Variants in CREM observed in about 807,000 individuals in gnomAD.
CREM encodes cAMP responsive element modulator, also known as cAMP-responsive element modulator.
A neutral mutation model predicts 37.3 loss-of-function variants in CREM; 13 were observed. That is an observed-to-expected ratio of 0.35 (90% CI 0.23 to 0.55). The LOEUF is 0.55. Among genes scored for constraint, CREM ranks in the 20% least tolerant of loss-of-function variants. The pLI is 0.88. For synonymous variants in CREM, 124 were observed against 120.2 expected (o/e 1.03, Z -0.21); for missense variants, 296 against 362.3 (o/e 0.82, Z 1.49).
intron 5 of CREM, among the ~76,000 whole-genome samples, chr10:35,184,993 T>A (rs906132867): frequency 3.3e-5 from 5 of 152,072 alleles, no homozygotes; most frequent in African/African-American, 1.2e-4. Context: ...ACAGGGGGCT[T>A]AAGTTTTTTA....
At chr10:35,209,404 A>C (rs1012843591) in intron 7 of CREM, 31 of 974,358 alleles carry the variant, frequency 3.2e-5, no homozygotes, top group Non-Finnish European at 3.7e-5. Flanking sequence ...CTCACTATTA[A>C]TAGAAGAAAC....
rs1204358967 is a variant in CREM, at chr10:35,179,264, A to G, written c.397A>G (p.Thr133Ala). ...ACCAACTAGCATATATCAGACTAGC[A>G]CGGGGCAATACAGTATGTATGCTGC... ...AVPTSIYQTS[T>A]GQYIAIAQGG... Residue 133 changes from threonine to alanine, a missense_variant, in exon 5 of 8, where the codon ACG (threonine) becomes GCG (alanine). Physicochemically the swap from Thr to Ala is moderately conservative, Grantham distance 58 (BLOSUM62 0). Transcript: ENST00000685392. 1 of 1,614,116 alleles carries G rather than the reference A, an allele frequency of 6.2e-7. No individual in the cohort carries two copies. The highest frequency in any genetic ancestry group is 1.1e-5 in the South Asian group (1 of 91,068).
chr10:35,148,534 A>G, intron 3 of CREM, 43 bp downstream of exon 3: 1 of 1,582,362 alleles, frequency 6.3e-7, no homozygotes, highest in Non-Finnish European at 8.6e-7. Context: ...AATATATGGA[A>G]ATGAGAATTA....
At chr10:35,159,553 T>C (rs573439718) in intron 3 of CREM, among the ~76,000 whole-genome samples, 1 of 152,296 alleles carries the variant, frequency 6.6e-6, no homozygotes, top group South Asian at 2.1e-4. Context: ...GGCCCTTGTC[T>C]CTCACCATAA....
At chr10:35,160,865 G>A (rs1260482880) in intron 3 of CREM, among the ~76,000 whole-genome samples, 1 of 152,164 alleles carries the variant, frequency 6.6e-6, no homozygotes, top group Non-Finnish European at 1.5e-5. Context: ...GGCCTGTATA[G>A]TGTCAGGATC....
intron 3 of CREM, among the ~76,000 whole-genome samples, chr10:35,152,877 TG>T (rs577687185): frequency 9.6e-4 from 147 of 152,356 alleles, no homozygotes; most frequent in African/African-American, 3.4e-3. Flanking sequence ...CTTCTTTTGT[TG>T]TGAAAGACTT....
chr10:35,193,774 T>C (rs750032921), intron 6 of CREM, among the ~76,000 whole-genome samples: 20 of 152,074 alleles, frequency 1.3e-4, no homozygotes, highest in Non-Finnish European at 2.2e-4. Context: ...TGTCCTTTCA[T>C]TGACATAAGG....
chr10:35,205,835 G>A (rs951301745), intron 6 of CREM, among the ~76,000 whole-genome samples: 2 of 152,170 alleles, frequency 1.3e-5, no homozygotes, highest in African/African-American at 4.8e-5. Context: ...GTGCACGCCT[G>A]TAATCCCAGC....
Position 35,211,794 on chromosome 10 carries a change from A to G in CREM, c.*396A>G. 2 of 1,604,734 alleles carry G rather than the reference A, an allele frequency of 1.2e-6. No individual in the cohort carries two copies. The highest frequency in any genetic ancestry group is 1.7e-6 in the Non-Finnish European group (2 of 1,176,984). Reference sequence around the variant, plus strand: ...TGAAAGACATTTGTTCTCCCAAAACAGATTACTAGAAATATTTAACTATGA... The same window carrying G: ...TGAAAGACATTTGTTCTCCCAAAACGGATTACTAGAAATATTTAACTATGA... On this transcript the variant is annotated 3_prime_UTR_variant, in exon 8 of 8. Transcript: ENST00000685392.
intron 5 of CREM, among the ~76,000 whole-genome samples, chr10:35,184,922 T>TG (rs2093993818): frequency 1.3e-5 from 2 of 152,296 alleles, no homozygotes; most frequent in South Asian, 4.1e-4. Flanking sequence ...AATTTGGTGT[T>TG]GAAAAACTAG....
intron 6 of CREM, among the ~76,000 whole-genome samples, chr10:35,193,114 G>A (rs956019550): frequency 2.6e-5 from 4 of 152,112 alleles, no homozygotes; most frequent in Non-Finnish European, 5.9e-5. Context: ...ACTTCCTTAG[G>A]CACATATCAT....
At chr10:35,195,261 T>G in intron 6 of CREM, 1 of 1,610,326 alleles carries the variant, frequency 6.2e-7, no homozygotes, top group Non-Finnish European at 8.5e-7. Flanking sequence ...CAGATTGTTT[T>G]GAAGTTTAGG....
intron 3 of CREM, among the ~76,000 whole-genome samples, chr10:35,155,630 TC>T (rs200415613): frequency 0.048 from 987 of 20,516 alleles, 14 homozygotes; most frequent in Admixed American, 0.13. Flanking sequence ...TCTTTTCTTT[TC>T]TTTTTTTTTT....
At chr10:35,171,830 T>A (rs2093835330) in intron 3 of CREM, among the ~76,000 whole-genome samples, 1 of 152,244 alleles carries the variant, frequency 6.6e-6, no homozygotes, top group East Asian at 1.9e-4. Flanking sequence ...TCCTTAATTC[T>A]AAAAAGAAAA....
At chr10:35,162,359 G>T (rs984614348) in intron 3 of CREM, among the ~76,000 whole-genome samples, 1 of 152,134 alleles carries the variant, frequency 6.6e-6, no homozygotes, top group Non-Finnish European at 1.5e-5. Context: ...ATACAGCATG[G>T]TGACTATAGT....
At chr10:35,168,873 G>C (rs2093674881) in intron 3 of CREM, among the ~76,000 whole-genome samples, 1 of 152,106 alleles carries the variant, frequency 6.6e-6, no homozygotes, top group African/African-American at 2.4e-5. Context: ...CCCATTTCTT[G>C]TTTTTGTCAG....
intron 3 of CREM, among the ~76,000 whole-genome samples, chr10:35,157,167 A>G (rs942250393): frequency 1.3e-5 from 2 of 152,228 alleles, no homozygotes; most frequent in African/African-American, 4.8e-5. Context: ...CAATACATGC[A>G]TAAAAAACAT....
At chr10:35,180,357 A>AT (rs1168909134) in intron 5 of CREM, among the ~76,000 whole-genome samples, 1 of 152,216 alleles carries the variant, frequency 6.6e-6, no homozygotes, top group Non-Finnish European at 1.5e-5. Flanking sequence ...CTCAAGTCTT[A>AT]ATTTAAGTCC....
intron 5 of CREM, among the ~76,000 whole-genome samples, chr10:35,182,888 G>A (rs544081795): frequency 2.6e-5 from 4 of 152,284 alleles, no homozygotes; most frequent in African/African-American, 7.2e-5. Flanking sequence ...GCATATACCC[G>A]AGAGATGGCG....
Sources: gnomAD v4.1 joint callset for allele counts (sites outside exome capture counted in the v4.1 genomes callset) on GRCh38, gnomAD v4.1.1 for gene constraint, MANE v1.5 for transcripts, NCBI Gene and HGNC (gene_info 2026-07-23, HGNC 2026-07-21) for gene names.